Variants in KCNIP4 observed in about 807,000 individuals in gnomAD.
The protein encoded by KCNIP4 is Kv channel-interacting protein 4.
A neutral mutation model predicts 34.0 loss-of-function variants in KCNIP4; 12 were observed. That is an observed-to-expected ratio of 0.35 (90% CI 0.23 to 0.57). KCNIP4 has a LOEUF of 0.57. KCNIP4 is among the 20% of genes least tolerant of loss of function. The pLI, the probability that KCNIP4 is intolerant of heterozygous loss-of-function variation, is 0.83. For missense variants in KCNIP4, 238 were observed against 311.7 expected (o/e 0.76, Z 1.78); for synonymous variants, 124 against 102.2 (o/e 1.21, Z -1.29).
intron 1 of KCNIP4, among the ~76,000 whole-genome samples, chr4:20,917,268 T>C (rs1349962098): frequency 6.6e-6 from 1 of 151,706 alleles, no homozygotes; most frequent in East Asian, 2.0e-4. Context: ...GAACTTGTTA[T>C]CCACCTACCT....
chr4:21,660,358 G>A (rs1401737720), intron 1 of KCNIP4, among the ~76,000 whole-genome samples: 1 of 152,106 alleles, frequency 6.6e-6, no homozygotes, highest in East Asian at 1.9e-4. Context: ...TGATTTTTCT[G>A]TATACTTTGG....
At chr4:21,726,694 C>T (rs2109103854) in intron 1 of KCNIP4, among the ~76,000 whole-genome samples, 1 of 152,240 alleles carries the variant, frequency 6.6e-6, no homozygotes, top group East Asian at 1.9e-4. Flanking sequence ...ACTGTAATTG[C>T]TTCTTTAATT....
At chr4:20,959,954 C>T (rs1345417034) in intron 1 of KCNIP4, among the ~76,000 whole-genome samples, 1 of 152,122 alleles carries the variant, frequency 6.6e-6, no homozygotes, top group African/African-American at 2.4e-5. Flanking sequence ...CACCAAGCAC[C>T]AGGCTCAGTT....
intron 1 of KCNIP4, among the ~76,000 whole-genome samples, chr4:21,198,080 A>G (rs566712540): frequency 6.6e-6 from 1 of 152,228 alleles, no homozygotes; most frequent in East Asian, 1.9e-4. Flanking sequence ...CGCTATACAT[A>G]TGAGTAATTT....
intron 1 of KCNIP4, among the ~76,000 whole-genome samples, chr4:21,216,494 T>C (rs759450368): frequency 1.3e-5 from 2 of 152,238 alleles, no homozygotes; most frequent in Non-Finnish European, 2.9e-5. Context: ...GGTACTATAC[T>C]AGTATTTGTC....
At chr4:20,743,609 A>G (rs1751701048) in intron 5 of KCNIP4, among the ~76,000 whole-genome samples, 1 of 152,232 alleles carries the variant, frequency 6.6e-6, no homozygotes, top group Non-Finnish European at 1.5e-5. Flanking sequence ...CACTTTATAC[A>G]AAAATTAATT....
At chr4:21,664,538 T>C (rs1748694544) in intron 1 of KCNIP4, among the ~76,000 whole-genome samples, 1 of 151,948 alleles carries the variant, frequency 6.6e-6, no homozygotes. Flanking sequence ...AGTTAAAGAG[T>C]TTGGAATGTG....
At chr4:21,240,098 A>G (rs1454548878) in intron 1 of KCNIP4, among the ~76,000 whole-genome samples, 1 of 151,674 alleles carries the variant, frequency 6.6e-6, no homozygotes, top group African/African-American at 2.4e-5. Flanking sequence ...GCTGGAAACC[A>G]TCATTCTTGG....
At chr4:21,467,071 C>T (rs900333171) in intron 1 of KCNIP4, among the ~76,000 whole-genome samples, 10 of 103,084 alleles carry the variant, frequency 9.7e-5, no homozygotes, top group African/African-American at 4.3e-4. Flanking sequence ...CAAACCAAAA[C>T]AAACACACAC....
chr4:20,730,023 C>CT lies in KCNIP4; in HGVS notation c.*58dup. 6.4e-7 allele frequency: 1 copy of CT among 1,552,262 alleles called. No individual in the cohort carries two copies. The highest frequency in any genetic ancestry group is 1.3e-5 in the South Asian group (1 of 79,662). On this transcript the variant is annotated 3_prime_UTR_variant, in exon 9 of 9. Transcript: ENST00000382152. Reference sequence around the variant, plus strand: ...TCTATGCTAAAAGTGGTAGCTCCAACTTTAAGGGTGGTAGAATAGTTCACA... The same window carrying CT: ...TCTATGCTAAAAGTGGTAGCTCCAACTTTTAAGGGTGGTAGAATAGTTCACA...
At chr4:20,805,819 A>G (rs944214113) in intron 3 of KCNIP4, among the ~76,000 whole-genome samples, 1 of 152,034 alleles carries the variant, frequency 6.6e-6, no homozygotes, top group Admixed American at 6.6e-5. Context: ...ACGGATTTCA[A>G]TTTCATCTCC....
chr4:21,531,673 G>T (rs1241237359), intron 1 of KCNIP4, among the ~76,000 whole-genome samples: 2 of 151,936 alleles, frequency 1.3e-5, no homozygotes, highest in African/African-American at 2.4e-5. Context: ...CACCGCACCC[G>T]GCCTAAAGCT....
At chr4:21,492,605 G>C (rs1486227568) in intron 1 of KCNIP4, among the ~76,000 whole-genome samples, 2 of 152,134 alleles carry the variant, frequency 1.3e-5, no homozygotes, top group Non-Finnish European at 2.9e-5. Flanking sequence ...GTGAATATAT[G>C]TGTGACTAGT....
intron 1 of KCNIP4, among the ~76,000 whole-genome samples, chr4:20,884,174 A>G (rs979544222): frequency 1.3e-5 from 2 of 152,204 alleles, no homozygotes; most frequent in African/African-American, 4.8e-5. Flanking sequence ...ATATCTAAAG[A>G]AGACTTGATT....
intron 1 of KCNIP4, among the ~76,000 whole-genome samples, chr4:21,819,265 G>A (rs1437168812): frequency 6.6e-6 from 1 of 152,214 alleles, no homozygotes; most frequent in Non-Finnish European, 1.5e-5. Context: ...CTGGCTTGCA[G>A]CCATGCTGGC....
chr4:21,862,168 C>A (rs1350053768), intron 1 of KCNIP4, among the ~76,000 whole-genome samples: 1 of 152,090 alleles, frequency 6.6e-6, no homozygotes, highest in East Asian at 1.9e-4. Flanking sequence ...TAAATTTGCC[C>A]CTTTCCCATC....
At chr4:21,849,253 T>C (rs1724218970) in intron 1 of KCNIP4, 1 of 152,112 alleles carries the variant, frequency 6.6e-6, no homozygotes, top group Non-Finnish European at 1.5e-5. Context: ...GCAAAAAGAA[T>C]AGGAGAGTGC....
At chr4:21,692,827 A>ATTTTTTTTTT in intron 1 of KCNIP4, among the ~76,000 whole-genome samples, 1 of 87,250 alleles carries the variant, frequency 1.1e-5, no homozygotes, top group Non-Finnish European at 2.2e-5. Flanking sequence ...AAATCCTGTC[A>ATTTTTTTTTT]TTTTTTTTTT....
intron 1 of KCNIP4, among the ~76,000 whole-genome samples, chr4:21,607,432 G>A (rs1352393831): frequency 6.6e-6 from 1 of 152,046 alleles, no homozygotes; most frequent in Non-Finnish European, 1.5e-5. Flanking sequence ...TCAGACTTAG[G>A]AGAATTTGAT....
Sources: allele counts gnomAD v4.1 joint callset (sites outside exome capture counted in the v4.1 genomes callset), GRCh38; gene constraint gnomAD v4.1.1; transcripts MANE v1.5; gene names NCBI Gene and HGNC (gene_info 2026-07-23, HGNC 2026-07-21).